PGPEP1L: variants seen among roughly 807,000 people sequenced by gnomAD.
PGPEP1L encodes the protein pyroglutamyl-peptidase 1-like protein.
In PGPEP1L, 7 loss-of-function variants were observed where a neutral mutation model predicts 6.0. The observed-to-expected ratio is 1.17, with a 90% CI of 0.66 to 2.19. The LOEUF is 2.19. Among genes scored for constraint, PGPEP1L ranks in the 30% most tolerant of loss-of-function variants. The probability of loss-of-function intolerance (pLI) is 0.00; values close to 1 mark genes in which losing one functional copy is unlikely to be tolerated. For synonymous variants in PGPEP1L, 103 were observed against 83.9 expected, an observed-to-expected ratio of 1.23 and a Z score of -1.24; for missense variants, 209 against 192.5, an observed-to-expected ratio of 1.09 and a Z score of -0.51.
chr15:98,981,730 T>C lies in PGPEP1L; in HGVS notation c.-141-10572A>G, dbSNP rs2017666729. ...TTCCGTCATTGTGACAAATACACCA[T>C]ACTAACGTACAAGGTTAATAATGGG... is the stretch of plus-strand genomic sequence containing the variant. On this transcript the variant is annotated intron_variant, in intron 2 of 4. Transcript: ENST00000535714. Among the ~76,000 whole-genome samples the C allele has an allele frequency of 2.0e-5, 3 of 152,182 alleles. No individual in the cohort carries two copies. In the South Asian group the frequency reaches 6.2e-4, roughly 32 times the overall value.
chr15:98,987,694 G>T (rs1329614928), intron 2 of PGPEP1L, among the ~76,000 whole-genome samples: 1 of 152,068 alleles, frequency 6.6e-6, no homozygotes, highest in African/African-American at 2.4e-5. Flanking sequence ...AGTTACTCTT[G>T]AAGATAGCCA....
At chr15:99,006,019 C>T (rs1345599447) in intron 1 of PGPEP1L, among the ~76,000 whole-genome samples, 4 of 152,106 alleles carry the variant, frequency 2.6e-5, no homozygotes, top group East Asian at 1.9e-4. Context: ...ACTAATTCCA[C>T]AAAATATGTG....
chr15:98,993,835 T>TG (rs2017851441), intron 2 of PGPEP1L, among the ~76,000 whole-genome samples: 1 of 77,976 alleles, frequency 1.3e-5, no homozygotes, highest in Non-Finnish European at 3.6e-5. Flanking sequence ...AACAATTACA[T>TG]GAAAAAAAAA....
At chr15:98,969,381 C>G in intron 4 of PGPEP1L, 44 bp downstream of exon 4, 1 of 1,607,816 alleles carries the variant, frequency 6.2e-7, no homozygotes, top group Non-Finnish European at 8.5e-7. Context: ...ACGGCCATTG[C>G]TTCTCTCCTA....
chr15:98,982,700 CTTTTTTTTTT>C (rs369749842), intron 2 of PGPEP1L, among the ~76,000 whole-genome samples: 14 of 52,458 alleles, frequency 2.7e-4, no homozygotes, highest in Admixed American at 6.0e-4. Flanking sequence ...TTATCTGAGG[CTTTTTTTTTT>C]TTTTTTTTTT....
chr15:98,987,989 G>A (rs1292067136), intron 2 of PGPEP1L, among the ~76,000 whole-genome samples: 1 of 152,236 alleles, frequency 6.6e-6, no homozygotes. Flanking sequence ...CTTTGCAACT[G>A]GCAGACCAGG....
At chr15:98,995,312 T>G (rs1324532794) in intron 2 of PGPEP1L, among the ~76,000 whole-genome samples, 1 of 152,254 alleles carries the variant, frequency 6.6e-6, no homozygotes, top group African/African-American at 2.4e-5. Flanking sequence ...TCTCTAAACT[T>G]CTATATATGC....
At chr15:98,971,677 C>A (rs2017499942) in intron 2 of PGPEP1L, among the ~76,000 whole-genome samples, 1 of 152,178 alleles carries the variant, frequency 6.6e-6, no homozygotes, top group Admixed American at 6.5e-5. Flanking sequence ...TTGAAAGAAA[C>A]AGATACTAAC....
intron 2 of PGPEP1L, among the ~76,000 whole-genome samples, chr15:98,981,489 C>CAAAAAAAAAAAAAAAAAAAA (rs769918543): frequency 1.2e-5 from 1 of 82,100 alleles, no homozygotes; most frequent in East Asian, 3.0e-4. Flanking sequence ...GACTCCGTCT[C>CAAAAAAAAAAAAAAAAAAAA]AAAAAAAAAA....
At position 99,005,628 on chromosome 15, in the gene PGPEP1L, A is replaced by T. The variant is rs2018044471; in HGVS notation, c.-341T>A. On this transcript the variant is annotated 5_prime_UTR_variant, in exon 2 of 5. Transcript: ENST00000535714. The stretch of plus-strand genomic sequence containing the variant: ...CCCCTCCTGGCCGCCCGGCGTCCGT[A>T]GCGTTCTGGGCCCCGAAAGGCCAAG... The T allele has an allele frequency of 6.6e-6, 1 of 152,254 alleles. No individual in the cohort carries two copies. The highest frequency in any genetic ancestry group is 1.5e-5 in the Non-Finnish European group (1 of 68,092). 9.4% of individuals were successfully genotyped at this position (152,254 alleles called of 1,614,324 possible). A position where few individuals can be genotyped will look rare whatever the true frequency, so the allele number is the denominator to read the frequency against.
At position 99,005,595 on chromosome 15, in the gene PGPEP1L, G is replaced by A. The variant is rs2018043427; in HGVS notation, c.-308C>T. 1 of 152,432 alleles carries A rather than the reference G, an allele frequency of 6.6e-6. No homozygotes were observed. The highest frequency in any genetic ancestry group is 6.5e-5 in the Admixed American group (1 of 15,308). 9.4% of individuals were successfully genotyped at this position (152,432 alleles called of 1,614,324 possible). A position where few individuals can be genotyped will look rare whatever the true frequency, so the allele number is the denominator to read the frequency against. On this transcript the variant is annotated 5_prime_UTR_variant, in exon 2 of 5. Transcript: ENST00000535714. ...CTCGCCGGGGACCGGGGTGGAGCGGGAGCCCAACCCCTCCTGGCCGCCCGG... is the reference window on the plus strand; with the variant it reads ...CTCGCCGGGGACCGGGGTGGAGCGGAAGCCCAACCCCTCCTGGCCGCCCGG...
chr15:98,984,912 C>T (rs925370628), intron 2 of PGPEP1L, among the ~76,000 whole-genome samples: 7 of 152,052 alleles, frequency 4.6e-5, no homozygotes, highest in African/African-American at 1.7e-4. Context: ...GCAGAGGGTA[C>T]CGGAACCCTG....
At chr15:99,004,127 ACATGATGGCT>A (rs2018013169) in intron 2 of PGPEP1L, among the ~76,000 whole-genome samples, 1 of 145,156 alleles carries the variant, frequency 6.9e-6, no homozygotes, top group Non-Finnish European at 1.5e-5. Flanking sequence ...TGAAGGCTGG[ACATGATGGCT>A]CATGCCTGTA....
intron 2 of PGPEP1L, among the ~76,000 whole-genome samples, chr15:98,977,315 A>G (rs902451525): frequency 1.1e-4 from 17 of 152,254 alleles, no homozygotes; most frequent in Non-Finnish European, 2.2e-4. Flanking sequence ...GATAGAAATC[A>G]AAGTCACTGA....
In PGPEP1L at chr15:98,968,597, G is replaced by T. The variant is rs762448612; in HGVS notation, c.310C>A (p.Leu104Met). The change falls in exon 5 of 5, where the codon CTG becomes ATG. Residue 104 changes from leucine to methionine, a missense_variant. Transcript: ENST00000535714. ...ATGACTCTCAAGGCTCTTCCCAGCA[G>T]GCTGGCCGGGAGCCCGCGCGATAGT... ...PPLSRGLPAS[L>M]LGRALRVIIQ... 8 of 1,610,414 alleles carry T rather than the reference G, an allele frequency of 5.0e-6. No homozygotes were observed. In the East Asian group the frequency reaches 1.3e-4, roughly 27 times the overall value.
intron 2 of PGPEP1L, among the ~76,000 whole-genome samples, chr15:98,980,272 G>A (rs2017639042): frequency 6.6e-6 from 1 of 152,164 alleles, no homozygotes; most frequent in Non-Finnish European, 1.5e-5. Flanking sequence ...GTGGACTCGT[G>A]CCATTTCCCT....
chr15:98,993,358 A>C (rs374047353), intron 2 of PGPEP1L, among the ~76,000 whole-genome samples: 2 of 152,222 alleles, frequency 1.3e-5, no homozygotes, highest in African/African-American at 4.8e-5. Flanking sequence ...GCTCATCATC[A>C]CTGGTCATTA....
chr15:98,988,142 T>C (rs140773255), intron 2 of PGPEP1L, among the ~76,000 whole-genome samples: 2 of 152,136 alleles, frequency 1.3e-5, no homozygotes, highest in African/African-American at 2.4e-5. Flanking sequence ...CGAGACAGAA[T>C]CTTTCACTCC....
intron 2 of PGPEP1L, among the ~76,000 whole-genome samples, chr15:98,992,669 A>C (rs1043133645): frequency 2.6e-5 from 4 of 152,264 alleles, no homozygotes; most frequent in Admixed American, 6.5e-5. Flanking sequence ...TCAAAGCTGG[A>C]GGCATCACAT....
Sources: allele counts gnomAD v4.1 joint callset (sites outside exome capture counted in the v4.1 genomes callset), GRCh38; gene constraint gnomAD v4.1.1; transcripts MANE v1.5; gene names NCBI Gene and HGNC (gene_info 2026-07-23, HGNC 2026-07-21).